Variants in NR3C2 observed in about 807,000 individuals in gnomAD.
The protein encoded by NR3C2 is nuclear receptor subfamily 3 group C member 2.
In NR3C2, 15 loss-of-function variants were observed where a neutral mutation model predicts 86.4. That is an observed-to-expected ratio of 0.17 (90% CI 0.12 to 0.27). The LOEUF is 0.27. NR3C2 is among the 10% of genes least tolerant of loss of function. The pLI is 1.00. For synonymous variants in NR3C2, 458 were observed against 450.5 expected, an observed-to-expected ratio of 1.02 and a Z score of -0.21; for missense variants, 960 against 1,195.6, an observed-to-expected ratio of 0.80 and a Z score of 2.91.
chr4:148,343,312 G>A (rs1353207169), intron 2 of NR3C2, among the ~76,000 whole-genome samples: 1 of 152,130 alleles, frequency 6.6e-6, no homozygotes, highest in Non-Finnish European at 1.5e-5. Flanking sequence ...GAACTGCTAA[G>A]TAAGAGGGTT....
rs184245787 is a variant in NR3C2, at chr4:148,406,434, G to A, written c.1757+28670C>T. On this transcript the variant is annotated intron_variant, in intron 2 of 8. Coordinates refer to ENST00000358102, the MANE Select transcript of NR3C2 (RefSeq NM_000901.5). ...GAGTTCTAGCCGATAGGACGCAGAC[G>A]TGAGCAAGGACGTTGTGGTGGTTAG... is the stretch of plus-strand genomic sequence containing the variant. 2.6e-5 allele frequency among the ~76,000 whole-genome samples: 4 copies of A among 152,278 alleles called. No homozygotes were observed. In the East Asian group the frequency reaches 5.8e-4, roughly 22 times the overall value.
intron 2 of NR3C2, among the ~76,000 whole-genome samples, chr4:148,269,057 T>C (rs1192267613): frequency 6.6e-6 from 1 of 152,188 alleles, no homozygotes; most frequent in African/African-American, 2.4e-5. Flanking sequence ...GGACTCCATG[T>C]TCTGTTTGTG....
intron 4 of NR3C2, among the ~76,000 whole-genome samples, chr4:148,184,775 TCTCA>T (rs1391163725): frequency 6.6e-6 from 1 of 152,174 alleles, no homozygotes; most frequent in African/African-American, 2.4e-5. Flanking sequence ...CTCTCCTGAT[TCTCA>T]CTCACATACT....
chr4:148,125,840 G>T (rs908593530), intron 6 of NR3C2, among the ~76,000 whole-genome samples: 1 of 152,166 alleles, frequency 6.6e-6, no homozygotes, highest in African/African-American at 2.4e-5. Flanking sequence ...ATACAGATTT[G>T]CATATGATGA....
intron 2 of NR3C2, among the ~76,000 whole-genome samples, chr4:148,384,652 T>G (rs1227353576): frequency 6.6e-6 from 1 of 152,230 alleles, no homozygotes; most frequent in Non-Finnish European, 1.5e-5. Flanking sequence ...TTAGTGAAAA[T>G]TACAGTTTTT....
At chr4:148,229,023 C>T (rs949895156) in intron 3 of NR3C2, among the ~76,000 whole-genome samples, 2 of 152,056 alleles carry the variant, frequency 1.3e-5, no homozygotes, top group African/African-American at 4.8e-5. Context: ...AGATTCTTGC[C>T]CAGGTCCCAT....
chr4:148,335,013 T>C (rs1186520081), intron 2 of NR3C2, among the ~76,000 whole-genome samples: 1 of 152,216 alleles, frequency 6.6e-6, no homozygotes, highest in Non-Finnish European at 1.5e-5. Context: ...CCCCTTTGTA[T>C]AAAGATTCCA....
chr4:148,251,496 G>A (rs1221501078), intron 3 of NR3C2, among the ~76,000 whole-genome samples: 2 of 152,146 alleles, frequency 1.3e-5, no homozygotes, highest in Non-Finnish European at 1.5e-5. Context: ...GGACTCTTGG[G>A]TATGGTTTCT....
intron 2 of NR3C2, among the ~76,000 whole-genome samples, chr4:148,300,236 G>T (rs1354986600): frequency 6.6e-6 from 1 of 152,168 alleles, no homozygotes; most frequent in Non-Finnish European, 1.5e-5. Context: ...TTCAGTCCTG[G>T]CTTAGAAAAT....
chr4:148,142,188 A>C lies in NR3C2; in HGVS notation c.2510+10281T>G, dbSNP rs146483966. Among the ~76,000 whole-genome samples the C allele has an allele frequency of 2.6e-5, 4 of 152,348 alleles. No homozygotes were observed. The East Asian group carries it at 5.8e-4, about 22-fold the overall frequency. The stretch of plus-strand genomic sequence containing the variant: ...AAATTAATTAGTTTATCAAGTGCTT[A>C]ACTAACGCCAGGCAGCATTTTAGGA... On this transcript the variant is annotated intron_variant, in intron 6 of 8. Transcript: ENST00000358102.
At chr4:148,170,970 T>C (rs1454431373) in intron 4 of NR3C2, among the ~76,000 whole-genome samples, 1 of 152,230 alleles carries the variant, frequency 6.6e-6, no homozygotes, top group Non-Finnish European at 1.5e-5. Context: ...ATCCTGAATG[T>C]TATTACACTC....
intron 3 of NR3C2, among the ~76,000 whole-genome samples, chr4:148,227,589 G>A (rs1004801377): frequency 6.6e-6 from 1 of 151,988 alleles, no homozygotes; most frequent in Non-Finnish European, 1.5e-5. Context: ...CCATGGTGAT[G>A]GCCAAGTAGT....
At chr4:148,125,600 C>A (rs908523355) in intron 6 of NR3C2, among the ~76,000 whole-genome samples, 5 of 151,768 alleles carry the variant, frequency 3.3e-5, no homozygotes, top group African/African-American at 4.8e-5. Flanking sequence ...TTTTTAAATG[C>A]AGAATTTCTG....
intron 8 of NR3C2, among the ~76,000 whole-genome samples, chr4:148,082,665 G>GTTTTTTTTT (rs11381991): frequency 7.6e-6 from 1 of 130,932 alleles, no homozygotes. Flanking sequence ...GCTAGCTGCA[G>GTTTTTTTTT]TTTTTTTTTT....
chr4:148,117,891 A>G (rs1424206162), intron 7 of NR3C2, among the ~76,000 whole-genome samples: 3 of 152,180 alleles, frequency 2.0e-5, no homozygotes, highest in African/African-American at 4.8e-5. Context: ...CTGGGCACAG[A>G]CTGGATACTC....
intron 2 of NR3C2, among the ~76,000 whole-genome samples, chr4:148,301,172 T>A (rs1742320263): frequency 6.6e-6 from 1 of 152,120 alleles, no homozygotes; most frequent in Admixed American, 6.5e-5. Flanking sequence ...AGCTACTGGA[T>A]CTTCTGCCTG....
At chr4:148,381,006 T>A (rs369582701) in intron 2 of NR3C2, among the ~76,000 whole-genome samples, 1 of 152,102 alleles carries the variant, frequency 6.6e-6, no homozygotes, top group South Asian at 2.1e-4. Context: ...GTGGGTGGAA[T>A]GCTTGTGCTC....
At chr4:148,257,926 G>T (rs1197284611) in intron 3 of NR3C2, among the ~76,000 whole-genome samples, 1 of 152,150 alleles carries the variant, frequency 6.6e-6, no homozygotes, top group Non-Finnish European at 1.5e-5. Context: ...GGATCGATCA[G>T]CTTTCCAATG....
At chr4:148,281,139 C>G (rs1016724791) in intron 2 of NR3C2, among the ~76,000 whole-genome samples, 2 of 152,190 alleles carry the variant, frequency 1.3e-5, no homozygotes, top group Non-Finnish European at 2.9e-5. Flanking sequence ...CCCCTCTCTG[C>G]TTTTTCTTTA....
Sources: allele counts gnomAD v4.1 joint callset (sites outside exome capture counted in the v4.1 genomes callset), GRCh38; gene constraint gnomAD v4.1.1; transcripts MANE v1.5; gene names NCBI Gene and HGNC (gene_info 2026-07-23, HGNC 2026-07-21).